The following LOXHD1 variants were observed in gnomAD, a reference collection of about 807,000 sequenced individuals.
The protein encoded by LOXHD1 is lipoxygenase homology domain-containing protein 1.
A neutral mutation model predicts 248.2 loss-of-function variants in LOXHD1; 205 were observed. The observed-to-expected ratio is 0.83, with a 90% CI of 0.74 to 0.93. LOXHD1 has a LOEUF of 0.93. Ranked by LOEUF, LOXHD1 falls within the 40% of genes least tolerant of loss-of-function variation. The pLI, the probability that LOXHD1 is intolerant of heterozygous loss-of-function variation, is 0.00. For synonymous variants in LOXHD1, 1,113 were observed against 1,162.8 expected (o/e 0.96, Z 0.87); for missense variants, 2,930 against 2,971.6 (o/e 0.99, Z 0.33).
chr18:46,563,646 C>T (rs185532455), intron 17 of LOXHD1, among the ~76,000 whole-genome samples: 1 of 152,234 alleles, frequency 6.6e-6, no homozygotes, highest in Non-Finnish European at 1.5e-5. Flanking sequence ...AGTGATTAGG[C>T]CCCCCAAAAT....
intron 36 of LOXHD1, 53 bp from the exon 37 acceptor site, chr18:46,506,076 C>T: frequency 6.5e-7 from 1 of 1,536,504 alleles, no homozygotes; most frequent in South Asian, 1.2e-5. Context: ...GACACACAGT[C>T]CTCTTGCTCT....
At chr18:46,512,340 A>C (rs1024491146) in intron 34 of LOXHD1, among the ~76,000 whole-genome samples, 1 of 151,974 alleles carries the variant, frequency 6.6e-6, no homozygotes, top group African/African-American at 2.4e-5. Context: ...TCAGCATGCA[A>C]TGAGGGCCAT....
In LOXHD1 at chr18:46,557,507, A is replaced by G; in HGVS notation, c.3217-18T>C. The G allele has an allele frequency of 1.9e-6, 3 of 1,551,730 alleles. No homozygotes were observed. The highest frequency in any genetic ancestry group is 2.6e-6 in the Non-Finnish European group (3 of 1,147,004). On this transcript the variant is annotated intron_variant, in intron 20 of 40. Coordinates refer to ENST00000642948, the MANE Select transcript of LOXHD1 (RefSeq NM_001384474.1). The stretch of plus-strand genomic sequence containing the variant: ...GTGTCTGTCTGGGAAGGGCCAGGGA[A>G]CACTCAGTGGGGTAAGACCTACCCC...
intron 32 of LOXHD1, 78 bp downstream of exon 32, chr18:46,522,023 C>A: frequency 2.8e-6 from 3 of 1,054,860 alleles, no homozygotes; most frequent in South Asian, 1.6e-5. Flanking sequence ...ACCCTGCACT[C>A]TCCCGCCCAC....
intron 35 of LOXHD1, among the ~76,000 whole-genome samples, chr18:46,508,962 C>T (rs186124316): frequency 1.6e-4 from 25 of 152,238 alleles, no homozygotes; most frequent in Middle Eastern, 3.4e-3. Context: ...GGCACAGAGC[C>T]GCACAGCTGG....
chr18:46,529,127 C>T (rs772252480), intron 29 of LOXHD1, 50 bp downstream of exon 29: 6 of 1,548,290 alleles, frequency 3.9e-6, no homozygotes, highest in South Asian at 2.4e-5. Context: ...ACCTAGATCG[C>T]TGGGCCTGGA....
chr18:46,561,495 C>A (rs966736268), intron 18 of LOXHD1, among the ~76,000 whole-genome samples: 1 of 152,178 alleles, frequency 6.6e-6, no homozygotes, highest in Admixed American at 6.5e-5. Context: ...TGTTTCTAGT[C>A]AGAGTCCTCC....
At chr18:46,495,923 T>C (rs2143737868) in intron 37 of LOXHD1, among the ~76,000 whole-genome samples, 1 of 152,202 alleles carries the variant, frequency 6.6e-6, no homozygotes, top group Non-Finnish European at 1.5e-5. Flanking sequence ...TCCCAGCTAC[T>C]CAGGAGGCTA....
At position 46,541,836 on chromosome 18, in the gene LOXHD1, C is replaced by T. The variant is rs760750289; in HGVS notation, c.3853G>A (p.Asp1285Asn). Residue 1285 changes from aspartate (D) to asparagine (N), a missense_variant, in exon 25 of 41, where the codon GAC becomes AAC. Transcript: ENST00000642948. ...CGRWLAKNED[D>N]GSIIRDLFHA... is the part of the protein sequence containing the mutation. ...AAGAGGTCTCTGATGATGGACCCGT[C>T]GTCTTCGTTTTTGGCCAGCCAGCGG... 39 of 1,551,592 alleles carry T rather than the reference C, an allele frequency of 2.5e-5. No homozygotes were observed. Among genetic ancestry groups the T allele is most frequent in the Middle Eastern group, 1.7e-4 (1 of 6,014 alleles).
chr18:46,547,081 A>G, intron 21 of LOXHD1, 23 bp from the exon 22 acceptor site: 11 of 1,551,618 alleles, frequency 7.1e-6, no homozygotes, highest in Non-Finnish European at 9.6e-6. Context: ...ATAGGGAAAG[A>G]TTGGAATGTC....
At chr18:46,533,912 A>C (rs2036191126) in intron 27 of LOXHD1, among the ~76,000 whole-genome samples, 1 of 152,200 alleles carries the variant, frequency 6.6e-6, no homozygotes, top group South Asian at 2.1e-4. Context: ...TCTCAAAAAA[A>C]TAAAATAAAA....
chr18:46,566,952 C>T (rs1454075585), intron 16 of LOXHD1, among the ~76,000 whole-genome samples: 1 of 152,220 alleles, frequency 6.6e-6, no homozygotes, highest in Non-Finnish European at 1.5e-5. Flanking sequence ...ATGCAGGCAA[C>T]CTCTCAGGAC....
chr18:46,477,262 G>T, downstream of LOXHD1: 1 of 777,260 alleles, frequency 1.3e-6, no homozygotes, highest in Non-Finnish European at 2.3e-6. Context: ...TTATTTTTGG[G>T]CAGCCACAGA....
chr18:46,584,753 A>G (rs190277910), intron 12 of LOXHD1, among the ~76,000 whole-genome samples: 1 of 152,198 alleles, frequency 6.6e-6, no homozygotes, highest in Admixed American at 6.5e-5. Context: ...CAAAACTGAC[A>G]AAGACGTCAT....
At chr18:46,566,541 A>C (rs2144061741) in intron 16 of LOXHD1, 92 bp from the exon 17 acceptor site, 5 of 1,097,340 alleles carry the variant, frequency 4.6e-6, no homozygotes, top group Non-Finnish European at 6.6e-6. Context: ...AGCACAAAAC[A>C]CAACCCAGGT....
At chr18:46,514,459 A>G (rs2035139509) in intron 34 of LOXHD1, among the ~76,000 whole-genome samples, 1 of 152,208 alleles carries the variant, frequency 6.6e-6, no homozygotes, top group Admixed American at 6.5e-5. Context: ...GTCCCCAAAG[A>G]TAAGCCCTTT....
chr18:46,643,318 G>A (rs1196856405), intron 2 of LOXHD1, among the ~76,000 whole-genome samples: 2 of 152,306 alleles, frequency 1.3e-5, no homozygotes, highest in African/African-American at 2.4e-5. Flanking sequence ...CTTGCTGCAG[G>A]TACCTTAGGA....
At chr18:46,637,252 C>T (rs1943078) in intron 4 of LOXHD1, among the ~76,000 whole-genome samples, 1 of 152,234 alleles carries the variant, frequency 6.6e-6, no homozygotes, top group Non-Finnish European at 1.5e-5. Flanking sequence ...TACTAAGAAC[C>T]TAATGCCCTC....
chr18:46,485,144 C>G lies in LOXHD1; in HGVS notation c.6057G>C (p.Glu2019Asp). 2 of 1,549,644 alleles carry G rather than the reference C, an allele frequency of 1.3e-6. No individual in the cohort carries two copies. Among genetic ancestry groups the G allele is most frequent in the Non-Finnish European group, 1.7e-6 (2 of 1,146,328 alleles). The change falls in exon 39 of 41, where the codon GAG becomes GAC. Residue 2019 changes from glutamate (E) to aspartate (D), a missense_variant. By Grantham distance (45) the Glu-to-Asp change is conservative (BLOSUM62 2). Transcript: ENST00000642948. Reference sequence around the variant, plus strand: ...CTCCGTTGCCCGTTTCTATGACGATCTCGTAGGCTGTAATGGAGGAGGTGG... The same window carrying G: ...CTCCGTTGCCCGTTTCTATGACGATGTCGTAGGCTGTAATGGAGGAGGTGG... ...ICDELEETTY[E>D]IVIETGNGGE...
Sources: gnomAD v4.1 joint callset for allele counts (sites outside exome capture counted in the v4.1 genomes callset) on GRCh38, gnomAD v4.1.1 for gene constraint, MANE v1.5 for transcripts, NCBI Gene and HGNC (gene_info 2026-07-23, HGNC 2026-07-21) for gene names.